The following DNAH14 variants were observed in gnomAD, a reference collection of about 807,000 sequenced individuals.
The protein encoded by DNAH14 is dynein axonemal heavy chain 14, also known as axonemal beta dynein heavy chain 14.
Under a neutral mutation model 520.9 loss-of-function variants are expected in DNAH14, and 478 were observed. That is an observed-to-expected ratio of 0.92 (90% CI 0.85 to 0.99). The LOEUF (loss-of-function observed/expected upper bound fraction) is 0.99, where lower values mean the gene tolerates loss of function less well. Ranked by LOEUF, DNAH14 falls within the 50% of genes least tolerant of loss-of-function variation. DNAH14 has a pLI of 0.00. For synonymous variants in DNAH14, 1,581 were observed against 1,757.2 expected (o/e 0.90, Z 2.51); for missense variants, 4,831 against 5,234.5 (o/e 0.92, Z 2.38).
In DNAH14 at chr1:225,205,907, C is replaced by A. The variant is rs556545306; in HGVS notation, c.5978-64C>A. ...TGTCCTAAGTAAAATAGAAAATTAG[C>A]AAGATTGTAATGAAAGATGACGGAC... On this transcript the variant is annotated intron_variant, in intron 39 of 85. Transcript: ENST00000682510. The A allele has an allele frequency of 9.6e-5, 129 of 1,344,954 alleles. 2 individuals are homozygous for A. The South Asian group carries it at 1.7e-3, about 18-fold the overall frequency. 83.3% of individuals were successfully genotyped at this position (1,344,954 alleles called of 1,614,324 possible). A position where few individuals can be genotyped will look rare whatever the true frequency, so the allele number is the denominator to read the frequency against.
Position 225,147,171 on chromosome 1 carries a change from T to A in DNAH14, c.4862T>A (p.Leu1621Gln), listed in dbSNP as rs1271973468. Reference sequence around the variant, plus strand: ...TGGAGTTGTTTTGATGAATTCAATCTAATTGATTTGGAAGTTCTCTCTGTC... The same window carrying A: ...TGGAGTTGTTTTGATGAATTCAATCAAATTGATTTGGAAGTTCTCTCTGTC... ...GAWSCFDEFN[L>Q]IDLEVLSVIA... Residue 1621 changes from leucine to glutamine, a missense_variant, in exon 31 of 86, where the codon CTA becomes CAA. Coordinates refer to ENST00000682510, the MANE Select transcript of DNAH14 (RefSeq NM_001367479.1). 13 of 1,550,950 alleles carry A rather than the reference T, an allele frequency of 8.4e-6. No homozygotes were observed. The East Asian group carries it at 3.2e-4, about 38-fold the overall frequency.
In DNAH14 at chr1:225,199,489, C is replaced by T. The variant is rs1415766344; in HGVS notation, c.5887-4694C>T. 2.6e-5 allele frequency among the ~76,000 whole-genome samples: 4 copies of T among 152,182 alleles called. No homozygotes were observed. The East Asian group carries it at 7.7e-4, about 29-fold the overall frequency. Reference sequence around the variant, plus strand: ...TAAGTGTTTAGGGCTATGAACTTTCCTCTTAGCACTGCCTTTGCTGTATCC... The same window carrying T: ...TAAGTGTTTAGGGCTATGAACTTTCTTCTTAGCACTGCCTTTGCTGTATCC... On this transcript the variant is annotated intron_variant, in intron 38 of 85. Transcript: ENST00000682510.
At position 225,275,110 on chromosome 1, in the gene DNAH14, A is replaced by C. The variant is rs2093434668; in HGVS notation, c.8011-804A>C. On this transcript the variant is annotated intron_variant, in intron 52 of 85. Transcript: ENST00000682510. ...GTTAAGTGGTGGAGTCATTATTCAA[A>C]CCTAGGATATCTAATGACATATATT... Among the ~76,000 whole-genome samples, 6 of 152,170 alleles carry C rather than the reference A, an allele frequency of 3.9e-5. 1 individual carries two copies. The highest frequency in any genetic ancestry group is 3.9e-4 in the Admixed American group (6 of 15,274).
At chr1:224,931,351 T>A (rs897133698) in intron 1 of DNAH14, among the ~76,000 whole-genome samples, 1 of 152,196 alleles carries the variant, frequency 6.6e-6, no homozygotes, top group African/African-American at 2.4e-5. Context: ...AAAAATTTAT[T>A]TTTATATTTA....
At chr1:225,207,370 AAAAACCATTTAT>A in intron 41 of DNAH14, 150 bp downstream of exon 41, 1 of 743,204 alleles carries the variant, frequency 1.3e-6, no homozygotes, top group Non-Finnish European at 2.0e-6. Flanking sequence ...GGAACAAATT[AAAAACCATTTAT>A]AGAGGAACAT....
chr1:225,360,993 T>C (rs1437384695), intron 75 of DNAH14, 102 bp downstream of exon 75: 1 of 1,098,302 alleles, frequency 9.1e-7, no homozygotes, highest in Non-Finnish European at 1.3e-6. Context: ...AATAGCAAAA[T>C]AATGTGCTGA....
intron 37 of DNAH14, 24 bp downstream of exon 37, chr1:225,185,449 G>T (rs993078398): frequency 2.0e-6 from 3 of 1,500,020 alleles, no homozygotes; most frequent in East Asian, 2.7e-5. Context: ...TAAATAAAAT[G>T]TTTCTCTATT....
At chr1:225,038,607 T>A (rs1387729777) in intron 11 of DNAH14, 87 bp from the exon 12 acceptor site, 11 of 1,351,794 alleles carry the variant, frequency 8.1e-6, no homozygotes, top group Non-Finnish European at 9.8e-7. Context: ...ATTGGGTTGC[T>A]TTTTGTTGTT....
At chr1:225,358,449 C>A in intron 73 of DNAH14, 47 bp from the exon 74 acceptor site, 2 of 1,405,378 alleles carry the variant, frequency 1.4e-6, no homozygotes, top group Non-Finnish European at 1.9e-6. Flanking sequence ...GAATATCTCT[C>A]TGGGTGGCTT....
At chr1:225,393,544 T>C (rs1302512750) in intron 84 of DNAH14, among the ~76,000 whole-genome samples, 1 of 152,234 alleles carries the variant, frequency 6.6e-6, no homozygotes, top group Non-Finnish European at 1.5e-5. Flanking sequence ...TTCAGCTCCA[T>C]CATAATCTTA....
At chr1:225,173,001 A>C (rs1182247885) in intron 36 of DNAH14, among the ~76,000 whole-genome samples, 1 of 152,226 alleles carries the variant, frequency 6.6e-6, no homozygotes, top group Non-Finnish European at 1.5e-5. Context: ...AAAAACAAGA[A>C]ATGGGGAAAG....
At chr1:225,343,195 A>T (rs966452362) in intron 69 of DNAH14, among the ~76,000 whole-genome samples, 8 of 152,224 alleles carry the variant, frequency 5.3e-5, no homozygotes, top group Non-Finnish European at 7.3e-5. Context: ...TGGCCAAAAC[A>T]AGAATAACTG....
At chr1:225,389,086 T>C (rs1386062330) in intron 82 of DNAH14, among the ~76,000 whole-genome samples, 1 of 152,156 alleles carries the variant, frequency 6.6e-6, no homozygotes, top group Non-Finnish European at 1.5e-5. Context: ...TGTTTTTAGT[T>C]ATAATAAAAA....
At chr1:225,003,010 G>T in intron 9 of DNAH14, 83 bp downstream of exon 9, 2 of 1,216,044 alleles carry the variant, frequency 1.6e-6, no homozygotes, top group Non-Finnish European at 2.2e-6. Flanking sequence ...AAAAAATACA[G>T]ATTTCTAAAT....
chr1:225,342,069 T>C (rs2095194873), intron 69 of DNAH14, among the ~76,000 whole-genome samples: 1 of 152,208 alleles, frequency 6.6e-6, no homozygotes, highest in Non-Finnish European at 1.5e-5. Context: ...CTCTACACAA[T>C]TATAATGTCC....
intron 83 of DNAH14, among the ~76,000 whole-genome samples, chr1:225,390,278 A>ATGAC (rs2095891019): frequency 6.6e-6 from 1 of 152,198 alleles, no homozygotes; most frequent in Non-Finnish European, 1.5e-5. Flanking sequence ...ACAAGACTTG[A>ATGAC]TGACTGAATG....
chr1:225,374,977 T>A, intron 78 of DNAH14, 92 bp downstream of exon 78: 1 of 1,243,460 alleles, frequency 8.0e-7, no homozygotes, highest in Non-Finnish European at 1.1e-6. Context: ...TAAATTTTGA[T>A]GTTCATTTTT....
At chr1:225,224,899 G>A (rs2149528739) in intron 41 of DNAH14, among the ~76,000 whole-genome samples, 1 of 152,242 alleles carries the variant, frequency 6.6e-6, no homozygotes, top group Non-Finnish European at 1.5e-5. Context: ...CCCTCATTAA[G>A]TCCACTCTCA....
At chr1:225,174,147 A>T (rs1237046251) in intron 36 of DNAH14, among the ~76,000 whole-genome samples, 1 of 152,120 alleles carries the variant, frequency 6.6e-6, no homozygotes, top group East Asian at 1.9e-4. Flanking sequence ...GCATTAGGAG[A>T]TATACCTAAT....
Sources: allele counts gnomAD v4.1 joint callset (sites outside exome capture counted in the v4.1 genomes callset), GRCh38; gene constraint gnomAD v4.1.1; transcripts MANE v1.5; gene names NCBI Gene and HGNC (gene_info 2026-07-23, HGNC 2026-07-21).